The following TESK2 variants were observed in gnomAD, a reference collection of about 807,000 sequenced individuals.
TESK2 encodes dual specificity testis-specific protein kinase 2.
In TESK2, 39 loss-of-function variants were observed where a neutral mutation model predicts 57.1. That is an observed-to-expected ratio of 0.68 (90% confidence interval 0.53 to 0.89). The LOEUF (loss-of-function observed/expected upper bound fraction) is 0.89, where lower values mean the gene tolerates loss of function less well. Among genes scored for constraint, TESK2 ranks in the 40% least tolerant of loss-of-function variants. The probability of loss-of-function intolerance (pLI) is 0.00; values close to 1 mark genes in which losing one functional copy is unlikely to be tolerated. For synonymous variants in TESK2, 249 were observed against 267.9 expected (o/e 0.93, Z 0.69); for missense variants, 646 against 732.1 (o/e 0.88, Z 1.36).
At chr1:45,464,004 C>G (rs1222152365) in intron 1 of TESK2, among the ~76,000 whole-genome samples, 2 of 152,062 alleles carry the variant, frequency 1.3e-5, no homozygotes, top group Non-Finnish European at 2.9e-5. Flanking sequence ...GCTCAGGAGG[C>G]TTTTGGCTGT....
intron 3 of TESK2, among the ~76,000 whole-genome samples, chr1:45,394,330 T>TC (rs1411451983): frequency 6.7e-6 from 1 of 149,736 alleles, no homozygotes; most frequent in African/African-American, 2.5e-5. Context: ...TGGCTTTTTT[T>TC]TTTTTTTTTT....
At chr1:45,386,096 G>T in intron 3 of TESK2, 136 bp from the exon 4 acceptor site, 1 of 566,566 alleles carries the variant, frequency 1.8e-6, no homozygotes, top group Admixed American at 3.0e-5. Context: ...TGTAATCCCC[G>T]CACTTTAGGA....
intron 1 of TESK2, among the ~76,000 whole-genome samples, chr1:45,481,384 T>C (rs1478733326): frequency 1.3e-5 from 2 of 150,822 alleles, no homozygotes; most frequent in African/African-American, 2.4e-5. Context: ...ATAAGCAAGA[T>C]TGGGGGTGGG....
intron 3 of TESK2, chr1:45,413,721 C>T: frequency 2.5e-6 from 1 of 392,592 alleles, no homozygotes; most frequent in Non-Finnish European, 5.1e-6. Flanking sequence ...GCCAAGAGAA[C>T]AGAAGTCTCA....
chr1:45,394,910 G>T (rs527688905), intron 3 of TESK2, among the ~76,000 whole-genome samples: 1 of 151,458 alleles, frequency 6.6e-6, no homozygotes, highest in East Asian at 1.9e-4. Context: ...GGCTGGTCTC[G>T]AACTCCTGAC....
chr1:45,471,544 T>G (rs2149304430), intron 1 of TESK2, among the ~76,000 whole-genome samples: 1 of 152,018 alleles, frequency 6.6e-6, no homozygotes, highest in East Asian at 2.0e-4. Flanking sequence ...TGGCTGGGAC[T>G]ACAGGCACGC....
chr1:45,447,667 T>C (rs1358774049), intron 2 of TESK2, among the ~76,000 whole-genome samples: 1 of 152,176 alleles, frequency 6.6e-6, no homozygotes, highest in Non-Finnish European at 1.5e-5. Context: ...TAGTCAATTA[T>C]TATCTTTATC....
At chr1:45,429,360 C>T (rs13376520) in intron 2 of TESK2, among the ~76,000 whole-genome samples, 33 of 152,064 alleles carry the variant, frequency 2.2e-4, no homozygotes, top group African/African-American at 7.7e-4. Flanking sequence ...TGTGCCATTG[C>T]ACTCCAGCCT....
At chr1:45,389,214 G>A (rs925843955) in intron 3 of TESK2, among the ~76,000 whole-genome samples, 2 of 152,168 alleles carry the variant, frequency 1.3e-5, no homozygotes, top group East Asian at 1.9e-4. Flanking sequence ...AGGAGTTCAA[G>A]ACTAGCCTGG....
In TESK2 at chr1:45,457,631, C is replaced by T. The variant is rs190280178; in HGVS notation, c.155G>A (p.Arg52Lys). ...GGTGAAATCATCCAAACGCGTCAGT[C>T]TGGAAAAGGCACTTATAAGAGCTCG... ...SYRALISAFS[R>K]LTRLDDFTCE... Residue 52 changes from arginine (R) to lysine (K), a missense_variant, in exon 2 of 11, where the codon AGA (arginine) becomes AAA (lysine). Transcript: ENST00000372086. 2 of 1,614,076 alleles carry T rather than the reference C, an allele frequency of 1.2e-6. No homozygotes were observed.
Position 45,344,783 on chromosome 1 carries a change from G to C in TESK2, c.*57C>G, listed in dbSNP as rs1353045274. ...AAGAATCAAGGCTGTGCACCTAGGGGGCCATATGGTTTCAGCTGAAGGTCC... is the reference window on the plus strand; with the variant it reads ...AAGAATCAAGGCTGTGCACCTAGGGCGCCATATGGTTTCAGCTGAAGGTCC... On this transcript the variant is annotated 3_prime_UTR_variant, in exon 11 of 11. Transcript: ENST00000372086. The C allele has an allele frequency of 2.0e-6, 3 of 1,471,428 alleles. No individual in the cohort carries two copies. The highest frequency in any genetic ancestry group is 2.5e-5 in the South Asian group (2 of 79,692). 91.1% of individuals were successfully genotyped at this position (1,471,428 alleles called of 1,614,324 possible). A position where few individuals can be genotyped will look rare whatever the true frequency, so the allele number is the denominator to read the frequency against.
intron 2 of TESK2, among the ~76,000 whole-genome samples, chr1:45,427,021 T>C (rs1324171287): frequency 9.2e-5 from 14 of 152,044 alleles, no homozygotes; most frequent in African/African-American, 2.9e-4. Context: ...AGGTGGAGGA[T>C]TACCTGAGGT....
intron 1 of TESK2, among the ~76,000 whole-genome samples, chr1:45,468,680 C>T (rs1652650022): frequency 6.6e-6 from 1 of 152,166 alleles, no homozygotes; most frequent in South Asian, 2.1e-4. Context: ...TATTAATATA[C>T]TTTTTTTGGA....
At chr1:45,419,545 C>T (rs1285758644) in intron 3 of TESK2, among the ~76,000 whole-genome samples, 1 of 152,090 alleles carries the variant, frequency 6.6e-6, no homozygotes, top group Non-Finnish European at 1.5e-5. Context: ...GTGGCTCACA[C>T]CTGTAATCCC....
chr1:45,443,397 T>C (rs774366609), intron 2 of TESK2, among the ~76,000 whole-genome samples: 1 of 147,750 alleles, frequency 6.8e-6, no homozygotes, highest in Non-Finnish European at 1.5e-5. Flanking sequence ...AAACCCCATC[T>C]CTACTAAAAA....
chr1:45,363,403 G>A (rs1420230543), intron 4 of TESK2, among the ~76,000 whole-genome samples: 1 of 152,034 alleles, frequency 6.6e-6, no homozygotes. Context: ...ATGCCAACCT[G>A]AAGCCACTCT....
intron 2 of TESK2, among the ~76,000 whole-genome samples, chr1:45,422,829 G>A (rs1570714384): frequency 7.3e-6 from 1 of 136,340 alleles, no homozygotes; most frequent in East Asian, 2.3e-4. Context: ...GAGTGCAGTG[G>A]CGTGATCTCG....
intron 3 of TESK2, among the ~76,000 whole-genome samples, chr1:45,418,531 C>A (rs1650340466): frequency 6.6e-6 from 1 of 152,204 alleles, no homozygotes; most frequent in Non-Finnish European, 1.5e-5. Context: ...CTATCAAATC[C>A]TCAGTTCTTC....
At chr1:45,485,558 G>A (rs1262027498) in intron 1 of TESK2, among the ~76,000 whole-genome samples, 2 of 143,274 alleles carry the variant, frequency 1.4e-5, no homozygotes, top group Non-Finnish European at 1.5e-5. Flanking sequence ...TCACTCTGTC[G>A]CCTAAACTGC....
Sources: allele counts gnomAD v4.1 joint callset (sites outside exome capture counted in the v4.1 genomes callset), GRCh38; gene constraint gnomAD v4.1.1; transcripts MANE v1.5; gene names NCBI Gene and HGNC (gene_info 2026-07-23, HGNC 2026-07-21).